Variants in LRBA observed in about 807,000 individuals in gnomAD.
LRBA encodes LPS responsive beige-like anchor protein.
In LRBA, 176 loss-of-function variants were observed where a neutral mutation model predicts 330.0. That is an observed-to-expected ratio of 0.53 (90% CI 0.47 to 0.60). LRBA has a LOEUF of 0.60. Ranked by LOEUF, LRBA falls within the 20% of genes least tolerant of loss-of-function variation. The pLI, the probability that LRBA is intolerant of heterozygous loss-of-function variation, is 0.00. For synonymous variants in LRBA, 1,230 were observed against 1,193.0 expected, an observed-to-expected ratio of 1.03 and a Z score of -0.64; for missense variants, 3,259 against 3,444.8, an observed-to-expected ratio of 0.95 and a Z score of 1.35.
At chr4:150,570,305 G>A (rs985927929) in intron 40 of LRBA, among the ~76,000 whole-genome samples, 1 of 151,906 alleles carries the variant, frequency 6.6e-6, no homozygotes, top group Admixed American at 6.6e-5. Context: ...CACTATTTTC[G>A]TGTGTAAAGT....
intron 37 of LRBA, among the ~76,000 whole-genome samples, chr4:150,631,103 T>C (rs1002668929): frequency 6.6e-6 from 1 of 152,056 alleles, no homozygotes; most frequent in African/African-American, 2.4e-5. Context: ...CTTTATTTTA[T>C]CCTTTAATTT....
intron 37 of LRBA, among the ~76,000 whole-genome samples, chr4:150,630,599 A>G (rs1043476804): frequency 3.3e-5 from 5 of 152,188 alleles, no homozygotes; most frequent in African/African-American, 1.2e-4. Flanking sequence ...TTAAACAAAT[A>G]CAGTATTTAG....
chr4:150,601,822 C>T (rs28532218), intron 37 of LRBA, among the ~76,000 whole-genome samples: 1 of 146,656 alleles, frequency 6.8e-6, no homozygotes, highest in Non-Finnish European at 1.6e-5. Context: ...CTCCCGAGTA[C>T]CTGGGACTAC....
chr4:150,292,176 G>A (rs577269045), intron 53 of LRBA, among the ~76,000 whole-genome samples: 1 of 152,278 alleles, frequency 6.6e-6, no homozygotes, highest in Middle Eastern at 3.4e-3. Flanking sequence ...CCTGAAAGAA[G>A]AGAAAAGAGG....
chr4:150,991,372 T>C (rs1377991797), intron 2 of LRBA, among the ~76,000 whole-genome samples: 1 of 152,194 alleles, frequency 6.6e-6, no homozygotes, highest in Non-Finnish European at 1.5e-5. Context: ...AAGGAAAACA[T>C]GTCCACCAAA....
intron 22 of LRBA, among the ~76,000 whole-genome samples, chr4:150,857,995 T>C (rs1034767603): frequency 1.3e-5 from 2 of 152,148 alleles, no homozygotes; most frequent in African/African-American, 4.8e-5. Context: ...ATGTTATGTA[T>C]AGATTCATGT....
chr4:150,774,104 T>G (rs1736942524), intron 34 of LRBA, among the ~76,000 whole-genome samples: 1 of 152,204 alleles, frequency 6.6e-6, no homozygotes. Context: ...GACTCCATTT[T>G]ATATTTCATG....
At chr4:150,302,977 T>C (rs574008707) in intron 52 of LRBA, among the ~76,000 whole-genome samples, 185 bp from the exon 53 acceptor site, 27 of 152,298 alleles carry the variant, frequency 1.8e-4, no homozygotes, top group Admixed American at 4.6e-4. Context: ...AAAAAAACAA[T>C]TGAAAATTGT....
At chr4:150,731,360 T>C (rs1260406835) in intron 36 of LRBA, among the ~76,000 whole-genome samples, 1 of 152,150 alleles carries the variant, frequency 6.6e-6, no homozygotes, top group Non-Finnish European at 1.5e-5. Context: ...TGCAGCACTG[T>C]TTACAATGGC....
At chr4:150,672,495 TA>T (rs1298870025) in intron 37 of LRBA, among the ~76,000 whole-genome samples, 5 of 152,124 alleles carry the variant, frequency 3.3e-5, no homozygotes, top group African/African-American at 1.2e-4. Context: ...AATGCATTTT[TA>T]TAAATAATTG....
intron 2 of LRBA, among the ~76,000 whole-genome samples, chr4:151,007,192 A>G (rs979578545): frequency 1.3e-5 from 2 of 152,236 alleles, no homozygotes; most frequent in African/African-American, 4.8e-5. Flanking sequence ...CAATGGGAAA[A>G]GAATAGCCTT....
At chr4:150,785,159 T>C (rs1344897460) in intron 34 of LRBA, among the ~76,000 whole-genome samples, 1 of 152,140 alleles carries the variant, frequency 6.6e-6, no homozygotes, top group Non-Finnish European at 1.5e-5. Flanking sequence ...TGCTGATTGT[T>C]TGGATTGGGG....
rs114476829 is a variant in LRBA, at chr4:150,772,171, G to C, written c.5581-10324C>G. Among the ~76,000 whole-genome samples the C allele has an allele frequency of 4.1e-3, 631 of 152,264 alleles. 5 individuals carry two copies. The highest frequency in any genetic ancestry group is 6.4e-3 in the Non-Finnish European group (435 of 68,016). ...CACTCCTCAAAGTTCTGTCCACTGA[G>C]AAGATTATTCTTCACTACAGTCCAT... On this transcript the variant is annotated intron_variant, in intron 34 of 56. Coordinates refer to ENST00000651943, the MANE Select transcript of LRBA (RefSeq NM_001364905.1).
intron 29 of LRBA, among the ~76,000 whole-genome samples, chr4:150,831,482 C>T (rs72961854): frequency 0.06 from 9,153 of 152,118 alleles, 841 homozygotes; most frequent in African/African-American, 0.2. Flanking sequence ...TTTAATACTC[C>T]AATTATTGCA....
chr4:150,843,410 G>A (rs1749393609), intron 28 of LRBA, among the ~76,000 whole-genome samples: 2 of 152,054 alleles, frequency 1.3e-5, no homozygotes, highest in South Asian at 2.1e-4. Context: ...ATGCTGATGA[G>A]TGCAATTATA....
chr4:150,908,622 T>C, intron 10 of LRBA, 38 bp downstream of exon 10: 1 of 1,557,426 alleles, frequency 6.4e-7, no homozygotes, highest in Non-Finnish European at 8.8e-7. Flanking sequence ...CATCAAAAAT[T>C]ACCATTATAA....
Position 150,560,318 on chromosome 4 carries a change from T to A in LRBA, c.6330+27730A>T, listed in dbSNP as rs558352182. On this transcript the variant is annotated intron_variant, in intron 40 of 56. Transcript: ENST00000651943. The stretch of plus-strand genomic sequence containing the variant: ...TATTAATGGCAGGTAAATCTGTTTT[T>A]AAAAAACATGTGATCCTTGTTTCTT... 2.0e-5 allele frequency among the ~76,000 whole-genome samples: 3 copies of A among 152,186 alleles called. No homozygotes were observed. The East Asian group carries it at 5.8e-4, about 29-fold the overall frequency.
At chr4:150,649,475 T>G (rs1205303430) in intron 37 of LRBA, among the ~76,000 whole-genome samples, 1 of 152,224 alleles carries the variant, frequency 6.6e-6, no homozygotes, top group African/African-American at 2.4e-5. Flanking sequence ...CGCTTTTGCA[T>G]CGCATGGTCA....
chr4:150,952,920 T>C (rs1034659253), intron 2 of LRBA, among the ~76,000 whole-genome samples: 1 of 152,170 alleles, frequency 6.6e-6, no homozygotes, highest in Admixed American at 6.5e-5. Flanking sequence ...ACAATTATTT[T>C]GCTTCCTTTC....
Sources: allele counts gnomAD v4.1 joint callset (sites outside exome capture counted in the v4.1 genomes callset), GRCh38; gene constraint gnomAD v4.1.1; transcripts MANE v1.5; gene names NCBI Gene and HGNC (gene_info 2026-07-23, HGNC 2026-07-21).